Variants in GALNT9 observed in about 807,000 individuals in gnomAD.
GALNT9 encodes the protein GalNAc transferase 9.
In GALNT9, 47 loss-of-function variants were observed where a neutral mutation model predicts 63.1. The observed-to-expected ratio is 0.75, with a 90% CI of 0.59 to 0.95. GALNT9 has a LOEUF of 0.95. GALNT9 is among the 40% of genes least tolerant of loss of function. GALNT9 has a pLI of 0.00. For missense variants in GALNT9, 829 were observed against 874.8 expected, an observed-to-expected ratio of 0.95 and a Z score of 0.66; for synonymous variants, 396 against 365.7, an observed-to-expected ratio of 1.08 and a Z score of -0.94.
At chr12:132,235,070 GGA>G (rs2135527508) in intron 6 of GALNT9, among the ~76,000 whole-genome samples, 3 of 76,950 alleles carry the variant, frequency 3.9e-5, no homozygotes, top group East Asian at 4.2e-4. Flanking sequence ...GGGCGACAGA[GGA>G]GACAGCGTGG....
At chr12:132,311,797 C>T (rs374156663) in intron 1 of GALNT9, among the ~76,000 whole-genome samples, 166 of 152,258 alleles carry the variant, frequency 1.1e-3, no homozygotes, top group African/African-American at 2.7e-3. Context: ...CGTGTGCGTG[C>T]GACCTTGGCT....
intron 6 of GALNT9, among the ~76,000 whole-genome samples, chr12:132,225,105 C>G (rs1877600477): frequency 7.1e-6 from 1 of 141,440 alleles, no homozygotes; most frequent in African/African-American, 2.7e-5. Flanking sequence ...TGTACATACA[C>G]ACCCCCACAT....
At position 132,246,628 on chromosome 12, in the gene GALNT9, G is replaced by A. The variant is rs1260949319; in HGVS notation, c.1077+1282C>T. 2.6e-5 allele frequency among the ~76,000 whole-genome samples: 4 copies of A among 152,162 alleles called. No individual in the cohort carries two copies. The highest frequency in any genetic ancestry group is 5.9e-5 in the Non-Finnish European group (4 of 68,030). ...GCTCACTGCAATTTCCGCCTCCTGG[G>A]TTCAAGTGATTCTCCTGCCTCAGCC... On this transcript the variant is annotated intron_variant, in intron 6 of 10. Transcript: ENST00000328957. The surrounding 1 kb of genome is among the most constrained non-coding windows in gnomAD (Gnocchi z 4.7).
chr12:132,250,296 G>A (rs1349031270), intron 5 of GALNT9, among the ~76,000 whole-genome samples: 1 of 152,214 alleles, frequency 6.6e-6, no homozygotes, highest in Non-Finnish European at 1.5e-5. Flanking sequence ...GGGGGGAACG[G>A]GGAGTGGCGG....
intron 1 of GALNT9, among the ~76,000 whole-genome samples, chr12:132,306,643 G>A (rs537430200): frequency 1.5e-4 from 23 of 152,156 alleles, no homozygotes; most frequent in African/African-American, 2.4e-4. Context: ...TCCCCAGGAC[G>A]TTCTCCACGC....
intron 1 of GALNT9, among the ~76,000 whole-genome samples, chr12:132,309,218 G>A (rs1555244938): frequency 6.6e-6 from 1 of 152,246 alleles, no homozygotes; most frequent in African/African-American, 2.4e-5. Context: ...TCCTCGGGAG[G>A]ATCCAGCAAT....
intron 5 of GALNT9, among the ~76,000 whole-genome samples, chr12:132,248,561 C>T (rs539965359): frequency 8.5e-5 from 13 of 152,316 alleles, no homozygotes; most frequent in African/African-American, 1.4e-4. Flanking sequence ...GTCACTTGCC[C>T]GCCTCCCCCA....
intron 5 of GALNT9, among the ~76,000 whole-genome samples, chr12:132,253,222 T>C (rs1057402255): frequency 6.6e-6 from 1 of 152,054 alleles, no homozygotes; most frequent in Non-Finnish European, 1.5e-5. Context: ...AGTGTGACCA[T>C]TGAAGCACCA....
At chr12:132,211,098 C>T (rs1438680647) in intron 6 of GALNT9, among the ~76,000 whole-genome samples, 1 of 152,168 alleles carries the variant, frequency 6.6e-6, no homozygotes. Context: ...ACACAACCAA[C>T]GCTTCACAAG....
intron 6 of GALNT9, among the ~76,000 whole-genome samples, chr12:132,241,667 C>A (rs1555237188): frequency 2.7e-5 from 3 of 109,172 alleles, no homozygotes; most frequent in Non-Finnish European, 2.0e-5. Flanking sequence ...GCCACACCCC[C>A]TTCCCGGGGC....
rs148101461 is a variant in GALNT9, at chr12:132,301,326, C to A, written c.239-14896G>T. On this transcript the variant is annotated intron_variant, in intron 1 of 10. Transcript: ENST00000328957. Reference sequence around the variant, plus strand: ...TCTCCCAAAGAAGCAGGTGACAGTGCCTGCCTGGCCTTGGGGACCACGGCT... The same window carrying A: ...TCTCCCAAAGAAGCAGGTGACAGTGACTGCCTGGCCTTGGGGACCACGGCT... Among the ~76,000 whole-genome samples the A allele has an allele frequency of 3.6e-3, 541 of 152,386 alleles. 1 individual carries two copies. The highest frequency in any genetic ancestry group is 0.012 in the African/African-American group (510 of 41,592).
At chr12:132,295,126 G>A (rs992525122) in intron 1 of GALNT9, among the ~76,000 whole-genome samples, 1 of 152,238 alleles carries the variant, frequency 6.6e-6, no homozygotes, top group Non-Finnish European at 1.5e-5. Context: ...GGCCGGTGCT[G>A]CCACAGCCCA....
chr12:132,325,639 C>T (rs1555246467), intron 1 of GALNT9, among the ~76,000 whole-genome samples: 2 of 152,352 alleles, frequency 1.3e-5, no homozygotes, highest in Middle Eastern at 3.4e-3. Context: ...AGCGCCACCT[C>T]GCTGGACCTC....
chr12:132,299,990 C>T (rs1378419046), intron 1 of GALNT9, among the ~76,000 whole-genome samples: 1 of 130,434 alleles, frequency 7.7e-6, no homozygotes, highest in Non-Finnish European at 1.6e-5. Context: ...ACCCACCCCT[C>T]AGATGACCAA....
intron 6 of GALNT9, among the ~76,000 whole-genome samples, chr12:132,215,963 A>T (rs955338180): frequency 3.9e-5 from 6 of 152,178 alleles, no homozygotes; most frequent in Non-Finnish European, 7.3e-5. Flanking sequence ...ACTCAGCCAA[A>T]GGACTCCTAA....
chr12:132,256,650 G>A (rs1593087589), intron 5 of GALNT9, among the ~76,000 whole-genome samples: 1 of 103,580 alleles, frequency 9.7e-6, no homozygotes, highest in Admixed American at 9.9e-5. Flanking sequence ...GCTGGAGGGG[G>A]ACACTGGAGG....
chr12:132,201,169 C>T lies in GALNT9; in HGVS notation c.1356G>A (p.Val452=), dbSNP rs1263668369. 4.3e-6 allele frequency: 7 copies of T among 1,613,368 alleles called. No individual in the cohort carries two copies. Among genetic ancestry groups the T allele is most frequent in the Non-Finnish European group, 5.9e-6 (7 of 1,179,718 alleles). The change falls in exon 8 of 11, where the codon GTG becomes GTA. Residue 452 remains valine, a synonymous_variant. Coordinates refer to ENST00000328957, the MANE Select transcript of GALNT9 (RefSeq NM_001122636.2). ...TGTTGTAGACCCTCATCTCCGGGTA[C>T]ACGTTCTCCAGGTACCACTTGAAGC... ...CRSFKWYLEN[V]YPEMRVYNNT...
At chr12:132,219,650 C>T (rs1005252320) in intron 6 of GALNT9, among the ~76,000 whole-genome samples, 1 of 151,996 alleles carries the variant, frequency 6.6e-6, no homozygotes, top group South Asian at 2.1e-4. Flanking sequence ...CAGCAGCACC[C>T]GCGCTTGGGT....
At chr12:132,260,906 G>A in intron 4 of GALNT9, 42 bp downstream of exon 4, 1 of 1,478,332 alleles carries the variant, frequency 6.8e-7, no homozygotes, top group South Asian at 1.4e-5. Flanking sequence ...TGGTGGAGGG[G>A]GACCCGCTGA....
Sources: gnomAD v4.1 joint callset for allele counts (sites outside exome capture counted in the v4.1 genomes callset) on GRCh38, gnomAD v4.1.1 for gene constraint, Gnocchi (gnomAD v3.1) non-coding constraint, MANE v1.5 for transcripts, NCBI Gene and HGNC (gene_info 2026-07-23, HGNC 2026-07-21) for gene names.